Variants in PKIB observed in about 807,000 individuals in gnomAD.
PKIB encodes PKI-beta.
PKIB carries 2 observed loss-of-function variants against 4.5 expected under a neutral mutation model. The observed-to-expected ratio is 0.44, with a 90% CI of 0.18 to 1.39. PKIB has a LOEUF of 1.39. PKIB is among the 40% of genes most tolerant of loss of function. The pLI, the probability that PKIB is intolerant of heterozygous loss-of-function variation, is 0.27. For synonymous variants in PKIB, 38 were observed against 36.0 expected, an observed-to-expected ratio of 1.06 and a Z score of -0.20; for missense variants, 94 against 92.6, an observed-to-expected ratio of 1.02 and a Z score of -0.06.
intron 2 of PKIB, among the ~76,000 whole-genome samples, chr6:122,508,862 T>C (rs1183164843): frequency 6.6e-6 from 1 of 152,068 alleles, no homozygotes; most frequent in Non-Finnish European, 1.5e-5. Context: ...GCCATTCTCC[T>C]GCCTCAGCGT....
intron 3 of PKIB, among the ~76,000 whole-genome samples, chr6:122,699,414 G>A (rs1188351828): frequency 6.6e-6 from 1 of 152,104 alleles, no homozygotes; most frequent in African/African-American, 2.4e-5. Context: ...TTGCTGATTG[G>A]ATGGAGTCAG....
intron 2 of PKIB, among the ~76,000 whole-genome samples, chr6:122,544,338 G>A (rs1168196286): frequency 6.6e-6 from 1 of 151,012 alleles, no homozygotes; most frequent in Non-Finnish European, 1.5e-5. Flanking sequence ...AAAGTGAAAA[G>A]TCATATACTT....
At chr6:122,472,518 C>T (rs936282916) in intron 1 of PKIB, among the ~76,000 whole-genome samples, 2 of 152,176 alleles carry the variant, frequency 1.3e-5, no homozygotes, top group Non-Finnish European at 2.9e-5. Context: ...TGATGATGCA[C>T]ATCTGCAGGG....
chr6:122,627,469 T>C (rs542275103), intron 1 of PKIB, among the ~76,000 whole-genome samples: 12 of 152,312 alleles, frequency 7.9e-5, no homozygotes, highest in African/African-American at 2.4e-4. Flanking sequence ...ATCTGCCTAT[T>C]GGATAAGCCC....
chr6:122,548,093 C>A (rs1772559955), intron 2 of PKIB, among the ~76,000 whole-genome samples: 1 of 152,168 alleles, frequency 6.6e-6, no homozygotes, highest in South Asian at 2.1e-4. Context: ...ATTTGATTCA[C>A]CGGTTTGGCA....
At chr6:122,497,238 GA>G (rs759969638) in intron 2 of PKIB, among the ~76,000 whole-genome samples, 1 of 151,974 alleles carries the variant, frequency 6.6e-6, no homozygotes, top group Non-Finnish European at 1.5e-5. Context: ...TTTAAACATG[GA>G]AACAAAAAAC....
intron 2 of PKIB, among the ~76,000 whole-genome samples, chr6:122,648,869 T>G (rs1776431524): frequency 1.3e-5 from 2 of 152,190 alleles, no homozygotes; most frequent in Admixed American, 1.3e-4. Context: ...CACTCAGCAG[T>G]GGCTGAAGTC....
At chr6:122,646,531 G>C (rs2114864582) in intron 2 of PKIB, among the ~76,000 whole-genome samples, 1 of 152,200 alleles carries the variant, frequency 6.6e-6, no homozygotes, top group African/African-American at 2.4e-5. Flanking sequence ...TAAATCTCCA[G>C]TTGATGTTCA....
intron 2 of PKIB, among the ~76,000 whole-genome samples, chr6:122,562,000 T>TG (rs1218652077): frequency 1.5e-5 from 2 of 131,720 alleles, no homozygotes; most frequent in East Asian, 4.4e-4. Flanking sequence ...TTTTGTTTTT[T>TG]TTTGTTTTTT....
intron 3 of PKIB, among the ~76,000 whole-genome samples, chr6:122,691,051 C>T (rs979839022): frequency 1.3e-5 from 2 of 151,586 alleles, no homozygotes; most frequent in East Asian, 3.9e-4. Flanking sequence ...AACCCTGCTG[C>T]CAGACATATT....
At chr6:122,619,979 A>G (rs1775158308) in intron 1 of PKIB, among the ~76,000 whole-genome samples, 1 of 152,008 alleles carries the variant, frequency 6.6e-6, no homozygotes, top group Admixed American at 6.6e-5. Flanking sequence ...TGGGTATCTT[A>G]CTTCTCCTTA....
At chr6:122,712,653 C>G (rs923697322) in intron 3 of PKIB, among the ~76,000 whole-genome samples, 1 of 152,120 alleles carries the variant, frequency 6.6e-6, no homozygotes, top group African/African-American at 2.4e-5. Flanking sequence ...AAGTCTGACT[C>G]ATACCTCCAG....
At chr6:122,703,275 T>C (rs1778908476) in intron 3 of PKIB, among the ~76,000 whole-genome samples, 1 of 151,910 alleles carries the variant, frequency 6.6e-6, no homozygotes, top group Non-Finnish European at 1.5e-5. Flanking sequence ...TAATTGAGGG[T>C]TTTTTAATTT....
At chr6:122,698,687 C>T (rs1778677972) in intron 3 of PKIB, among the ~76,000 whole-genome samples, 1 of 152,182 alleles carries the variant, frequency 6.6e-6, no homozygotes, top group African/African-American at 2.4e-5. Context: ...TCATTTTGGA[C>T]AGCTTCTACA....
chr6:122,613,793 G>T (rs554262346), intron 1 of PKIB, among the ~76,000 whole-genome samples: 16 of 151,720 alleles, frequency 1.1e-4, no homozygotes, highest in Non-Finnish European at 1.8e-4. Context: ...GTGAAACCCC[G>T]TCTCTCTAAA....
intron 2 of PKIB, among the ~76,000 whole-genome samples, chr6:122,501,825 C>T (rs1776246339): frequency 6.6e-6 from 1 of 152,046 alleles, no homozygotes; most frequent in Non-Finnish European, 1.5e-5. Flanking sequence ...TCCTCTACTG[C>T]ATAGTCATGC....
At chr6:122,680,861 A>G (rs142302785) in intron 3 of PKIB, among the ~76,000 whole-genome samples, 12 of 152,286 alleles carry the variant, frequency 7.9e-5, no homozygotes, top group Non-Finnish European at 1.6e-4. Context: ...TGATTGTCAT[A>G]CTATTACTTA....
chr6:122,485,055 CT>C (rs1775722920), intron 2 of PKIB, among the ~76,000 whole-genome samples: 1 of 152,016 alleles, frequency 6.6e-6, no homozygotes, highest in Admixed American at 6.6e-5. Context: ...CTTCACTTCC[CT>C]TTTTTTGGCC....
chr6:122,561,383 A>G (rs1025819254), intron 2 of PKIB, among the ~76,000 whole-genome samples: 1 of 151,954 alleles, frequency 6.6e-6, no homozygotes, highest in Non-Finnish European at 1.5e-5. Context: ...TTTCAGTTTT[A>G]TTCCACTGTG....
Sources: gnomAD v4.1 joint callset for allele counts (sites outside exome capture counted in the v4.1 genomes callset) on GRCh38, gnomAD v4.1.1 for gene constraint, MANE v1.5 for transcripts, NCBI Gene and HGNC (gene_info 2026-07-23, HGNC 2026-07-21) for gene names.